COLGALT2: variants seen among roughly 807,000 people sequenced by gnomAD.
COLGALT2 encodes procollagen galactosyltransferase 2.
COLGALT2 carries 49 observed loss-of-function variants against 73.4 expected under a neutral mutation model. That is an observed-to-expected ratio of 0.67 (90% confidence interval 0.53 to 0.85). COLGALT2 has a LOEUF of 0.85. COLGALT2 is among the 40% of genes least tolerant of loss of function. The probability of loss-of-function intolerance (pLI) is 0.00; values close to 1 mark genes in which losing one functional copy is unlikely to be tolerated. For missense variants in COLGALT2, 722 were observed against 790.2 expected, an observed-to-expected ratio of 0.91 and a Z score of 1.03; for synonymous variants, 295 against 307.6, an observed-to-expected ratio of 0.96 and a Z score of 0.43.
Position 183,938,874 on chromosome 1 carries a change from T to A in COLGALT2, c.1768A>T (p.Thr590Ser), listed in dbSNP as rs772111135. The change falls in exon 12 of 12, where the codon ACA (threonine) becomes TCA (serine). Residue 590 changes from threonine (T) to serine (S), a missense_variant. Transcript: ENST00000361927. The part of the protein sequence containing the change: ...NETVATDWDR[T>S]HAWKSRKQSR... ...TGCTTCCGGGACTTCCAGGCATGTG[T>A]CCTATCCCAGTCGGTGGCCACTGTC... 6.2e-7 allele frequency: 1 copy of A among 1,614,144 alleles called. No homozygotes were observed. The highest frequency in any genetic ancestry group is 8.5e-7 in the Non-Finnish European group (1 of 1,180,022).
intron 1 of COLGALT2, among the ~76,000 whole-genome samples, chr1:183,991,757 C>G (rs1017384202): frequency 1.3e-5 from 2 of 152,184 alleles, no homozygotes; most frequent in Non-Finnish European, 2.9e-5. Flanking sequence ...AAACTATACT[C>G]ACACCCACAG....
At chr1:183,985,240 T>G (rs563534495) in intron 1 of COLGALT2, among the ~76,000 whole-genome samples, 2 of 152,232 alleles carry the variant, frequency 1.3e-5, no homozygotes, top group Admixed American at 1.3e-4. Flanking sequence ...TCTCAGCAGG[T>G]GGGACACGGA....
Position 183,938,504 on chromosome 1 carries a change from G to A in COLGALT2, c.*257C>T. ...TGAGTAGTGAACTGAAGAATTAGGT[G>A]TCTGGATTACAGTTTATCTTAACAG... On this transcript the variant is annotated 3_prime_UTR_variant, in exon 12 of 12. Coordinates refer to ENST00000361927, the MANE Select transcript of COLGALT2 (RefSeq NM_015101.4). 1 of 1,343,144 alleles carries A rather than the reference G, an allele frequency of 7.4e-7. No homozygotes were observed. Among genetic ancestry groups the A allele is most frequent in the Non-Finnish European group, 9.6e-7 (1 of 1,045,472 alleles). 83.2% of individuals were successfully genotyped at this position (1,343,144 alleles called of 1,614,324 possible). A position where few individuals can be genotyped will look rare whatever the true frequency, so the allele number is the denominator to read the frequency against.
chr1:183,931,796 T>A (rs1572620778), downstream of COLGALT2, among the ~76,000 whole-genome samples: 2 of 130,398 alleles, frequency 1.5e-5, no homozygotes, highest in African/African-American at 5.9e-5. Context: ...TGCAGCAAGT[T>A]AAAAAAAAAA....
intron 1 of COLGALT2, among the ~76,000 whole-genome samples, chr1:184,035,560 T>C (rs1181546982): frequency 1.3e-5 from 2 of 152,234 alleles, no homozygotes; most frequent in Non-Finnish European, 2.9e-5. Flanking sequence ...AAAAGTTTAC[T>C]GTATGATAAA....
At position 183,938,824 on chromosome 1, in the gene COLGALT2, C is replaced by A; in HGVS notation, c.1818G>T (p.Lys606Asn). Reference protein sequence around the residue: ...RKQSRIYSNAKNTEALPPPTS... With the variant: ...RKQSRIYSNANNTEALPPPTS... ...TTGGCGGTGGCAGGGCCTCTGTGTT[C>A]TTGGCATTGCTGTAGATGCGGCTTT... Residue 606 changes from lysine to asparagine, a missense_variant, in exon 12 of 12, where the codon AAG (lysine) becomes AAT (asparagine). Lys to Asn is a moderately conservative substitution (Grantham distance 94). Coordinates refer to ENST00000361927, the MANE Select transcript of COLGALT2 (RefSeq NM_015101.4). 1 of 1,614,184 alleles carries A rather than the reference C, an allele frequency of 6.2e-7. No individual in the cohort carries two copies. The highest frequency in any genetic ancestry group is 8.5e-7 in the Non-Finnish European group (1 of 1,180,040).
intron 7 of COLGALT2, among the ~76,000 whole-genome samples, chr1:183,954,101 T>C (rs1157668630): frequency 6.6e-6 from 1 of 152,184 alleles, no homozygotes; most frequent in Non-Finnish European, 1.5e-5. Context: ...AGAGAGTCAG[T>C]GATGTGGAGT....
At chr1:183,987,801 G>A (rs746474577) in intron 1 of COLGALT2, among the ~76,000 whole-genome samples, 4 of 152,130 alleles carry the variant, frequency 2.6e-5, no homozygotes, top group Non-Finnish European at 5.9e-5. Context: ...GCACATGTGG[G>A]CCCCAACTGA....
intron 1 of COLGALT2, among the ~76,000 whole-genome samples, chr1:183,988,818 G>T (rs1286467672): frequency 1.3e-5 from 2 of 152,076 alleles, no homozygotes; most frequent in African/African-American, 4.8e-5. Flanking sequence ...AGGTTTTTGT[G>T]TGAACATATG....
intron 7 of COLGALT2, among the ~76,000 whole-genome samples, chr1:183,954,274 G>GTTTTTTTGT (rs1553312911): frequency 1.2e-4 from 18 of 151,302 alleles, no homozygotes; most frequent in African/African-American, 4.4e-4. Context: ...GAACAAATAT[G>GTTTTTTTGT]TTTTTTTTTC....
chr1:183,989,346 C>A (rs1460140787), intron 1 of COLGALT2, among the ~76,000 whole-genome samples: 2 of 152,152 alleles, frequency 1.3e-5, no homozygotes, highest in Non-Finnish European at 2.9e-5. Flanking sequence ...CCTGGCAGGG[C>A]AATGCTACAG....
At chr1:183,935,290 G>A (rs1669926049), downstream of COLGALT2, among the ~76,000 whole-genome samples, 1 of 152,126 alleles carries the variant, frequency 6.6e-6, no homozygotes, top group South Asian at 2.1e-4. Flanking sequence ...ATTGGACTGC[G>A]GGCCCCACAC....
intron 1 of COLGALT2, among the ~76,000 whole-genome samples, chr1:184,029,368 A>G (rs1023416443): frequency 2.6e-5 from 4 of 152,246 alleles, no homozygotes; most frequent in South Asian, 2.1e-4. Context: ...TGGTTCCCCA[A>G]AGTAGTTACT....
chr1:184,014,008 A>C lies in COLGALT2; in HGVS notation c.263+23087T>G, dbSNP rs113298117. Among the ~76,000 whole-genome samples, 761 of 152,222 alleles carry C rather than the reference A, an allele frequency of 5.0e-3. 11 individuals are homozygous for C. Among genetic ancestry groups the C allele is most frequent in the African/African-American group, 0.017 (712 of 41,528 alleles). On this transcript the variant is annotated intron_variant, in intron 1 of 11. Transcript: ENST00000361927. Reference sequence around the variant, plus strand: ...AGAAAAGGAATGAGAAAGTGGAGAGATCAGTCTGAGATATAAGTTAGAGGA... The same window carrying C: ...AGAAAAGGAATGAGAAAGTGGAGAGCTCAGTCTGAGATATAAGTTAGAGGA...
intron 6 of COLGALT2, among the ~76,000 whole-genome samples, chr1:183,955,838 C>T (rs942861966): frequency 6.6e-6 from 1 of 152,176 alleles, no homozygotes; most frequent in African/African-American, 2.4e-5. Flanking sequence ...CGTATCTGTT[C>T]ACCTCTATTC....
chr1:183,970,364 G>C (rs560025826), intron 4 of COLGALT2, among the ~76,000 whole-genome samples: 1 of 152,222 alleles, frequency 6.6e-6, no homozygotes, highest in Non-Finnish European at 1.5e-5. Context: ...ACTGGAATGA[G>C]TGTTAAGTTT....
At chr1:183,998,955 A>G (rs1671842850) in intron 1 of COLGALT2, among the ~76,000 whole-genome samples, 1 of 152,100 alleles carries the variant, frequency 6.6e-6, no homozygotes, top group South Asian at 2.1e-4. Flanking sequence ...TGCAAATTCT[A>G]TTGCATTTTC....
chr1:183,962,703 C>T (rs765033408), intron 6 of COLGALT2, among the ~76,000 whole-genome samples: 28 of 152,174 alleles, frequency 1.8e-4, no homozygotes, highest in African/African-American at 5.1e-4. Flanking sequence ...GCCCAGTAGC[C>T]GTGAAATGTC....
chr1:183,978,305 A>G, intron 2 of COLGALT2, 105 bp downstream of exon 2: 1 of 639,562 alleles, frequency 1.6e-6, no homozygotes, highest in Non-Finnish European at 2.8e-6. Context: ...ACAGAAATGA[A>G]AGACAATGAA....
Sources: allele counts gnomAD v4.1 joint callset (sites outside exome capture counted in the v4.1 genomes callset), GRCh38; gene constraint gnomAD v4.1.1; transcripts MANE v1.5; gene names NCBI Gene and HGNC (gene_info 2026-07-23, HGNC 2026-07-21).